The following KDM5B variants were observed in gnomAD, a reference collection of about 807,000 sequenced individuals.
KDM5B encodes lysine-specific demethylase 5B.
In KDM5B, 144 loss-of-function variants were observed where a neutral mutation model predicts 193.4. The ratio of observed to expected loss-of-function variants is 0.74; its 90% CI spans 0.65 to 0.86. The LOEUF is 0.86. Ranked by LOEUF, KDM5B falls within the 40% of genes least tolerant of loss-of-function variation. The pLI, the probability that KDM5B is intolerant of heterozygous loss-of-function variation, is 0.00. For missense variants in KDM5B, 1,833 were observed against 1,886.9 expected (o/e 0.97, Z 0.53); for synonymous variants, 668 against 682.6 (o/e 0.98, Z 0.33).
At chr1:202,772,146 C>T (rs1051212486) in intron 4 of KDM5B, among the ~76,000 whole-genome samples, 2 of 152,120 alleles carry the variant, frequency 1.3e-5, no homozygotes, top group African/African-American at 4.8e-5. Context: ...TACCTCTCTA[C>T]AGCACAGAAA....
chr1:202,798,724 A>G lies in KDM5B; in HGVS notation c.204+9378T>C, dbSNP rs75682105. 9.7e-3 allele frequency among the ~76,000 whole-genome samples: 1,475 copies of G among 152,222 alleles called. 28 individuals carry two copies. Among genetic ancestry groups the G allele is most frequent in the African/African-American group, 0.033 (1,389 of 41,524 alleles). On this transcript the variant is annotated intron_variant, in intron 1 of 26. Coordinates refer to ENST00000367265, the MANE Select transcript of KDM5B (RefSeq NM_006618.5). ...TTGGGCAACAAAACAAGAAAAAAAG[A>G]AAACAATCCCTTCACAGCCAGGTGC...
chr1:202,800,107 G>A (rs112420954), intron 1 of KDM5B, among the ~76,000 whole-genome samples: 2 of 152,050 alleles, frequency 1.3e-5, no homozygotes, highest in Non-Finnish European at 2.9e-5. Flanking sequence ...GCAGTGGTGC[G>A]ATATCGGCTC....
chr1:202,729,065 T>G lies in KDM5B; in HGVS notation c.4606A>C (p.Thr1536Pro). The change falls in exon 27 of 27, where the codon ACT becomes CCT. Residue 1536 changes from threonine to proline, a missense_variant. Transcript: ENST00000367265. ...TTTCGGCTTGGTGCGTCCTTCACAG[T>G]ACAGCGCACACAGATGTAGTCTTCT... is the stretch of plus-strand genomic sequence containing the variant. ...EKEDYICVRC[T>P]VKDAPSRK 1 of 1,614,150 alleles carries G rather than the reference T, an allele frequency of 6.2e-7. No individual in the cohort carries two copies. Among genetic ancestry groups the G allele is most frequent in the Non-Finnish European group, 8.5e-7 (1 of 1,180,004 alleles).
At position 202,760,480 on chromosome 1, in the gene KDM5B, A is replaced by C. The variant is rs1238509898; in HGVS notation, c.1012T>G (p.Cys338Gly). 1 of 1,613,506 alleles carries C rather than the reference A, an allele frequency of 6.2e-7. No individual in the cohort carries two copies. Among genetic ancestry groups the C allele is most frequent in the African/African-American group, 1.3e-5 (1 of 74,888 alleles). ...ACATCATGGAGAGGTGGGATCAAGC[A>C]AAAGGTATGGTAACTGTCATCACAG... ...DGCDDSYHTF[C>G]LIPPLHDVPK... Residue 338 changes from cysteine to glycine, a missense_variant, in exon 8 of 27, where the codon TGC (cysteine) becomes GGC (glycine). Physicochemically the swap from Cys to Gly is radical, Grantham distance 159. Coordinates refer to ENST00000367265, the MANE Select transcript of KDM5B (RefSeq NM_006618.5).
rs776901690 is a variant in KDM5B, at chr1:202,729,053, C to T, written c.4618G>A (p.Ala1540Thr). 23 of 1,613,866 alleles carry T rather than the reference C, an allele frequency of 1.4e-5. No homozygotes were observed. Among genetic ancestry groups the T allele is most frequent in the East Asian group, 2.2e-5 (1 of 44,892 alleles). Residue 1540 changes from alanine (A) to threonine (T), a missense_variant, in exon 27 of 27, where the codon GCA becomes ACA. Physicochemically the swap from Ala to Thr is moderately conservative, Grantham distance 58. This residue lies in a region of KDM5B where 1,379 missense variants were observed against 1,349.6 expected (regional missense o/e 1.02). Transcript: ENST00000367265. ...YICVRCTVKD[A>T]PSRK is the part of the protein sequence containing the mutation. ...TTGTGTTTTTACTTTCGGCTTGGTG[C>T]GTCCTTCACAGTACAGCGCACACAG...
In KDM5B at chr1:202,773,297, A is replaced by G. The variant is rs776527695; in HGVS notation, c.406-9T>C. 6 of 1,613,152 alleles carry G rather than the reference A, an allele frequency of 3.7e-6. No homozygotes were observed. The highest frequency in any genetic ancestry group is 1.3e-5 in the African/African-American group (1 of 74,890). On this transcript the variant is annotated splice_polypyrimidine_tract_variant and intron_variant, in intron 3 of 26. Transcript: ENST00000367265. ...CCTTCTTCTGCAACTAACTGTTAAA[A>G]TAGCAAAATTAGAAACAACTATATG...
At chr1:202,730,870 C>T in intron 25 of KDM5B, 39 bp downstream of exon 25, 1 of 1,548,980 alleles carries the variant, frequency 6.5e-7, no homozygotes, top group South Asian at 1.2e-5. Flanking sequence ...ACCCCCACCC[C>T]AGACTGTGCC....
intron 6 of KDM5B, 99 bp from the exon 7 acceptor site, chr1:202,762,907 T>C: frequency 1.4e-6 from 1 of 714,900 alleles, no homozygotes; most frequent in Non-Finnish European, 2.5e-6. Flanking sequence ...CATAATTTCA[T>C]GTGTGTTTTC....
At chr1:202,805,346 C>A (rs2102355231) in intron 1 of KDM5B, among the ~76,000 whole-genome samples, 1 of 152,264 alleles carries the variant, frequency 6.6e-6, no homozygotes, top group Non-Finnish European at 1.5e-5. Context: ...TTTCTGAGAA[C>A]CCCTAAGCTG....
chr1:202,753,199 T>C (rs1655866137), intron 11 of KDM5B, 132 bp from the exon 12 acceptor site: 1 of 760,758 alleles, frequency 1.3e-6, no homozygotes, highest in African/African-American at 1.8e-5. Flanking sequence ...CGAAATATCA[T>C]TAGAAATGTG....
At chr1:202,740,198 A>AC (rs1444530225) in intron 20 of KDM5B, among the ~76,000 whole-genome samples, 2 of 133,242 alleles carry the variant, frequency 1.5e-5, no homozygotes, top group African/African-American at 5.9e-5. Flanking sequence ...GGCGCCCCTC[A>AC]CCTCCCGGAC....
At chr1:202,797,954 G>A (rs1657917256) in intron 1 of KDM5B, among the ~76,000 whole-genome samples, 1 of 152,244 alleles carries the variant, frequency 6.6e-6, no homozygotes, top group African/African-American at 2.4e-5. Flanking sequence ...ACTCTGGGAG[G>A]CCTAGGCAGG....
intron 1 of KDM5B, among the ~76,000 whole-genome samples, chr1:202,793,271 GCTGAAC>G (rs763634589): frequency 5.3e-5 from 8 of 152,036 alleles, no homozygotes; most frequent in Non-Finnish European, 8.8e-5. Context: ...TTTTTGTTTT[GCTGAAC>G]CTACCAGGAT....
chr1:202,799,910 G>T (rs1658005255), intron 1 of KDM5B, among the ~76,000 whole-genome samples: 1 of 152,156 alleles, frequency 6.6e-6, no homozygotes, highest in South Asian at 2.1e-4. Context: ...GAAGTCTTTA[G>T]ATTTTAAGGG....
intron 16 of KDM5B, among the ~76,000 whole-genome samples, chr1:202,743,517 A>G (rs181414817): frequency 0.016 from 2,456 of 152,290 alleles, 63 homozygotes; most frequent in African/African-American, 0.056. Context: ...ACTAGAGCAC[A>G]GGAGACTCAG....
Position 202,749,035 on chromosome 1 carries a change from T to C in KDM5B, c.1926A>G (p.Val642=). 1 of 1,614,132 alleles carries C rather than the reference T, an allele frequency of 6.2e-7. No individual in the cohort carries two copies. Among genetic ancestry groups the C allele is most frequent in the Non-Finnish European group, 8.5e-7 (1 of 1,179,998 alleles). Reference sequence around the variant, plus strand: ...CAGTTGAAGCCACTACAACATCTAATACATCAGCCTTGGAAGCCATCTTGC... The same window carrying C: ...CAGTTGAAGCCACTACAACATCTAACACATCAGCCTTGGAAGCCATCTTGC... ...MICKMASKAD[V]LDVVVASTVQ... The change falls in exon 14 of 27, where the codon GTA becomes GTG. Residue 642 remains valine, a synonymous_variant. Transcript: ENST00000367265.
At chr1:202,763,490 C>A (rs578019179) in intron 6 of KDM5B, among the ~76,000 whole-genome samples, 26 of 152,092 alleles carry the variant, frequency 1.7e-4, no homozygotes, top group African/African-American at 6.3e-4. Context: ...CATTGTGCTG[C>A]CTTTCCACTA....
intron 20 of KDM5B, among the ~76,000 whole-genome samples, chr1:202,738,990 A>C (rs922565591): frequency 1.3e-5 from 2 of 152,094 alleles, no homozygotes; most frequent in African/African-American, 2.4e-5. Context: ...GGTAGGTTTT[A>C]TTTCTTTTGT....
Position 202,752,900 on chromosome 1 carries a change from C to G in KDM5B, c.1701+5G>C. The G allele has an allele frequency of 6.2e-7, 1 of 1,611,490 alleles. No homozygotes were observed. Among genetic ancestry groups the G allele is most frequent in the Non-Finnish European group, 8.5e-7 (1 of 1,179,064 alleles). On this transcript the variant is annotated splice_donor_5th_base_variant and intron_variant, in intron 12 of 26. Coordinates refer to ENST00000367265, the MANE Select transcript of KDM5B (RefSeq NM_006618.5). Reference sequence around the variant, plus strand: ...GAGTGGCAGGAGGATTAACCCAGAACATACAGGCACTTCATGAGTCATCAG... The same window carrying G: ...GAGTGGCAGGAGGATTAACCCAGAAGATACAGGCACTTCATGAGTCATCAG...
Sources: gnomAD v4.1 joint callset for allele counts (sites outside exome capture counted in the v4.1 genomes callset) on GRCh38, gnomAD v4.1.1 for gene constraint, gnomAD v4.1.1 regional missense constraint, MANE v1.5 for transcripts, NCBI Gene and HGNC (gene_info 2026-07-23, HGNC 2026-07-21) for gene names.